KCNN3: variants seen among roughly 807,000 people sequenced by gnomAD.
The protein encoded by KCNN3 is potassium calcium-activated channel subfamily N member 3, also known as small conductance calcium-activated potassium channel protein 3.
A neutral mutation model predicts 62.9 loss-of-function variants in KCNN3; 16 were observed. The observed-to-expected ratio is 0.25, with a 90% confidence interval of 0.17 to 0.39. The LOEUF (loss-of-function observed/expected upper bound fraction) is 0.39. Ranked by LOEUF, KCNN3 falls within the 10% of genes least tolerant of loss-of-function variation. The pLI, the probability that KCNN3 is intolerant of heterozygous loss-of-function variation, is 1.00. For synonymous variants in KCNN3, 370 were observed against 389.2 expected (o/e 0.95, Z 0.58); for missense variants, 599 against 949.4 (o/e 0.63, Z 4.85).
chr1:154,826,751 G>T (rs1263254579), intron 1 of KCNN3, among the ~76,000 whole-genome samples: 1 of 152,188 alleles, frequency 6.6e-6, no homozygotes, highest in Non-Finnish European at 1.5e-5. Flanking sequence ...CCAAAAACAG[G>T]CCAGAACTGT....
intron 1 of KCNN3, among the ~76,000 whole-genome samples, chr1:154,850,065 A>C (rs1652241943): frequency 6.6e-6 from 1 of 151,638 alleles, no homozygotes; most frequent in African/African-American, 2.4e-5. Flanking sequence ...TTTCTCCCCT[A>C]CTCATGCCAC....
In KCNN3 at chr1:154,698,235, TG is replaced by T. The variant is rs1199260485; in HGVS notation, c.*9740del. 1 of 152,188 alleles carries T rather than the reference TG, an allele frequency of 6.6e-6. No individual in the cohort carries two copies. The highest frequency in any genetic ancestry group is 2.4e-5 in the African/African-American group (1 of 41,446). 9.4% of individuals were successfully genotyped at this position (152,188 alleles called of 1,614,324 possible). A position where few individuals can be genotyped will look rare whatever the true frequency, so the allele number is the denominator to read the frequency against. ...TTACCTAGAACTACAGAAAAATTTA[TG>T]GGAAGGAAAGTAAGGGTACAGGGTT... On this transcript the variant is annotated 3_prime_UTR_variant, in exon 8 of 8. Coordinates refer to ENST00000271915, the MANE Select transcript of KCNN3 (RefSeq NM_002249.6).
In KCNN3 at chr1:154,777,284, G is replaced by A. The variant is rs1016184371; in HGVS notation, c.1030-4891C>T. On this transcript the variant is annotated intron_variant, in intron 2 of 7. Coordinates refer to ENST00000271915, the MANE Select transcript of KCNN3 (RefSeq NM_002249.6). ...CCTGAGCTCTCCAGGGACAGGAACC[G>A]TGCCTGGCTCATCTCACCCCACTCC... Among the ~76,000 whole-genome samples the A allele has an allele frequency of 4.6e-5, 7 of 152,084 alleles. No homozygotes were observed. In the East Asian group the frequency reaches 9.6e-4, roughly 21 times the overall value.
chr1:154,719,903 G>A (rs751988470), intron 5 of KCNN3, among the ~76,000 whole-genome samples: 33 of 152,146 alleles, frequency 2.2e-4, no homozygotes, highest in Non-Finnish European at 4.4e-4. Context: ...TTAGAACTGG[G>A]AGCTCCACCT....
In KCNN3 at chr1:154,842,635, C is replaced by T. The variant is rs867819040; in HGVS notation, c.934-20451G>A. On this transcript the variant is annotated intron_variant, in intron 1 of 7. Transcript: ENST00000271915. ...TCCTGTGGCTCATTCAGGGACCCCC[C>T]CCCCGCCACCACCTCCTCTGTGAGC... Among the ~76,000 whole-genome samples the T allele has an allele frequency of 2.1e-4, 23 of 110,768 alleles. 1 individual carries two copies. The South Asian group carries it at 5.7e-3, about 28-fold the overall frequency. 72.7% of individuals were successfully genotyped at this position (110,768 alleles called of 152,430 possible). A position where few individuals can be genotyped will look rare whatever the true frequency, so the allele number is the denominator to read the frequency against.
At chr1:154,760,626 C>G (rs1474195933) in intron 3 of KCNN3, among the ~76,000 whole-genome samples, 1 of 152,220 alleles carries the variant, frequency 6.6e-6, no homozygotes, top group Non-Finnish European at 1.5e-5. Flanking sequence ...CGGCCTCTCC[C>G]GGGCCCCGGC....
chr1:154,722,641 C>T (rs1408632257), intron 5 of KCNN3, among the ~76,000 whole-genome samples: 4 of 152,114 alleles, frequency 2.6e-5, no homozygotes, highest in Non-Finnish European at 4.4e-5. Flanking sequence ...AGCCATCTGC[C>T]TCGGCCTCCC....
intron 1 of KCNN3, among the ~76,000 whole-genome samples, chr1:154,857,662 C>T (rs529512143): frequency 2.6e-5 from 4 of 152,322 alleles, no homozygotes; most frequent in Non-Finnish European, 4.4e-5. Context: ...GTGTGCAAAT[C>T]CAAACTCCAC....
intron 3 of KCNN3, among the ~76,000 whole-genome samples, chr1:154,747,241 G>A (rs1700957427): frequency 6.6e-6 from 1 of 152,096 alleles, no homozygotes; most frequent in South Asian, 2.1e-4. Context: ...GGGTGGTGGG[G>A]GCAGCATTCT....
chr1:154,713,796 G>A (rs1323418398), intron 6 of KCNN3, among the ~76,000 whole-genome samples: 1 of 151,894 alleles, frequency 6.6e-6, no homozygotes, highest in African/African-American at 2.4e-5. Flanking sequence ...TGCCTGGGCT[G>A]CACCTTCCAT....
Position 154,810,492 on chromosome 1 carries a change from G to T in KCNN3, c.1029+11597C>A, listed in dbSNP as rs545052603. On this transcript the variant is annotated intron_variant, in intron 2 of 7. Coordinates refer to ENST00000271915, the MANE Select transcript of KCNN3 (RefSeq NM_002249.6). ...AAGGCAAGGCAGAGAAACTGAAGCGGGTCCCAGTTCTGATGGCTGGGCAGG... is the reference window on the plus strand; with the variant it reads ...AAGGCAAGGCAGAGAAACTGAAGCGTGTCCCAGTTCTGATGGCTGGGCAGG... Among the ~76,000 whole-genome samples the T allele has an allele frequency of 5.3e-5, 8 of 152,284 alleles. No homozygotes were observed. The South Asian group carries it at 1.7e-3, about 32-fold the overall frequency.
chr1:154,728,334 T>G (rs1256433082), intron 4 of KCNN3, among the ~76,000 whole-genome samples: 2 of 152,218 alleles, frequency 1.3e-5, no homozygotes, highest in Non-Finnish European at 2.9e-5. Context: ...GACTCCCTTG[T>G]GAGTATTCCT....
intron 1 of KCNN3, among the ~76,000 whole-genome samples, chr1:154,841,173 C>T (rs1033511953): frequency 2.0e-5 from 3 of 152,206 alleles, no homozygotes; most frequent in Admixed American, 6.5e-5. Flanking sequence ...AGCACTCTGG[C>T]AAACCCACTG....
At chr1:154,769,169 C>T (rs774711556) in intron 3 of KCNN3, among the ~76,000 whole-genome samples, 7 of 152,128 alleles carry the variant, frequency 4.6e-5, no homozygotes, top group Non-Finnish European at 8.8e-5. Flanking sequence ...CCTCCAGGAC[C>T]CGGGCTCTCC....
chr1:154,761,491 A>C (rs1473744385), intron 3 of KCNN3, among the ~76,000 whole-genome samples: 1 of 152,118 alleles, frequency 6.6e-6, no homozygotes, highest in Non-Finnish European at 1.5e-5. Context: ...TATTACATGT[A>C]ACACAAAGAA....
chr1:154,737,210 G>GT (rs925911774), intron 3 of KCNN3: 3 of 301,746 alleles, frequency 9.9e-6, no homozygotes, highest in Non-Finnish European at 2.0e-5. Context: ...AAAATTTGGG[G>GT]GGGGGGGATA....
Position 154,815,428 on chromosome 1 carries a change from C to T in KCNN3, c.1029+6661G>A, listed in dbSNP as rs577926023. Among the ~76,000 whole-genome samples the T allele has an allele frequency of 1.2e-4, 18 of 152,288 alleles. No homozygotes were observed. In the South Asian group the frequency reaches 3.7e-3, roughly 32 times the overall value. On this transcript the variant is annotated intron_variant, in intron 2 of 7. Coordinates refer to ENST00000271915, the MANE Select transcript of KCNN3 (RefSeq NM_002249.6). ...GGCACAGCATCATCTCCGCGTGAAA[C>T]CTGCCCAGCCTCTCTGGGAGAAATG...
In KCNN3 at chr1:154,785,504, A is replaced by G. The variant is rs371033112; in HGVS notation, c.1030-13111T>C. The stretch of plus-strand genomic sequence containing the variant: ...CTGATCTCCCAGTGGCGGGGGCAGC[A>G]CTTCAAACAGCAACAAGCCATTTGG... On this transcript the variant is annotated intron_variant, in intron 2 of 7. Transcript: ENST00000271915. Among the ~76,000 whole-genome samples, 29 of 150,942 alleles carry G rather than the reference A, an allele frequency of 1.9e-4. No individual in the cohort carries two copies. In the East Asian group the frequency reaches 5.7e-3, roughly 29 times the overall value.
intron 2 of KCNN3, among the ~76,000 whole-genome samples, chr1:154,819,271 AT>A (rs977764339): frequency 4.8e-4 from 73 of 152,322 alleles, no homozygotes; most frequent in African/African-American, 1.7e-3. Context: ...GGGCTAAGTA[AT>A]AGATGAGGAA....
Sources: gnomAD v4.1 joint callset for allele counts (sites outside exome capture counted in the v4.1 genomes callset) on GRCh38, gnomAD v4.1.1 for gene constraint, MANE v1.5 for transcripts, NCBI Gene and HGNC (gene_info 2026-07-23, HGNC 2026-07-21) for gene names.